SLC44A1: variants seen among roughly 807,000 people sequenced by gnomAD.
The protein encoded by SLC44A1 is choline transporter-like protein 1.
SLC44A1 carries 26 observed loss-of-function variants against 79.3 expected under a neutral mutation model. The ratio of observed to expected loss-of-function variants is 0.33; its 90% CI spans 0.24 to 0.46. SLC44A1 has a LOEUF of 0.46. SLC44A1 is among the 20% of genes least tolerant of loss of function. SLC44A1 has a pLI of 1.00. For synonymous variants in SLC44A1, 263 were observed against 286.2 expected (o/e 0.92, Z 0.82); for missense variants, 688 against 798.1 (o/e 0.86, Z 1.66).
intron 15 of SLC44A1, among the ~76,000 whole-genome samples, chr9:105,408,777 T>C (rs1299084889): frequency 1.3e-5 from 2 of 152,172 alleles, no homozygotes; most frequent in African/African-American, 4.8e-5. Flanking sequence ...TAAATGTATC[T>C]GAATGAACAC....
At chr9:105,268,920 G>A (rs569776214) in intron 1 of SLC44A1, among the ~76,000 whole-genome samples, 6 of 152,218 alleles carry the variant, frequency 3.9e-5, no homozygotes, top group African/African-American at 1.2e-4. Flanking sequence ...CTTCACTTAC[G>A]TTACCTTGCC....
Position 105,244,860 on chromosome 9 carries a change from G to C in SLC44A1, c.-9G>C, listed in dbSNP as rs1829387257. 2 of 1,143,108 alleles carry C rather than the reference G, an allele frequency of 1.7e-6. No individual in the cohort carries two copies. Among genetic ancestry groups the C allele is most frequent in the Non-Finnish European group, 2.1e-6 (2 of 932,886 alleles). 70.8% of individuals were successfully genotyped at this position (1,143,108 alleles called of 1,614,324 possible). ...CCCGGCGCCGCCTCCGGGCTCCTTCGGCCCCGCCATGGGCTGCTGCAGCTC... is the reference window on the plus strand; with the variant it reads ...CCCGGCGCCGCCTCCGGGCTCCTTCCGCCCCGCCATGGGCTGCTGCAGCTC... On this transcript the variant is annotated 5_prime_UTR_variant, in exon 1 of 16. Coordinates refer to ENST00000374720, the MANE Select transcript of SLC44A1 (RefSeq NM_080546.5).
At chr9:105,375,286 C>T (rs553158217) in intron 13 of SLC44A1, among the ~76,000 whole-genome samples, 5 of 152,194 alleles carry the variant, frequency 3.3e-5, no homozygotes, top group Non-Finnish European at 7.4e-5. Context: ...GTGATCCAAC[C>T]GCCTTCGCCT....
intron 1 of SLC44A1, among the ~76,000 whole-genome samples, chr9:105,250,007 T>G (rs867795519): frequency 6.6e-6 from 1 of 151,638 alleles, no homozygotes; most frequent in Non-Finnish European, 1.5e-5. Flanking sequence ...TAGCTGAGAC[T>G]ATAGGCACGA....
chr9:105,289,899 T>C (rs577475840), intron 1 of SLC44A1, among the ~76,000 whole-genome samples: 1 of 151,968 alleles, frequency 6.6e-6, no homozygotes, highest in Non-Finnish European at 1.5e-5. Context: ...CTGCCACCTC[T>C]GCCTCCCAGG....
At chr9:105,384,036 A>C (rs1028990514) in intron 14 of SLC44A1, among the ~76,000 whole-genome samples, 1 of 152,234 alleles carries the variant, frequency 6.6e-6, no homozygotes, top group South Asian at 2.1e-4. Flanking sequence ...TCTAAATAAT[A>C]GTAGTTTGCT....
At chr9:105,309,457 C>T (rs1354307957) in intron 2 of SLC44A1, among the ~76,000 whole-genome samples, 1 of 152,094 alleles carries the variant, frequency 6.6e-6, no homozygotes, top group African/African-American at 2.4e-5. Flanking sequence ...GCTATTATTA[C>T]TATTATTATT....
chr9:105,309,553 T>G (rs974157038), intron 2 of SLC44A1, among the ~76,000 whole-genome samples, 171 bp from the exon 3 acceptor site: 3 of 152,234 alleles, frequency 2.0e-5, no homozygotes, highest in Non-Finnish European at 2.9e-5. Flanking sequence ...TATGGACTTC[T>G]TTGTACTGTT....
chr9:105,388,719 A>C (rs1828690386), intron 15 of SLC44A1, among the ~76,000 whole-genome samples: 1 of 152,202 alleles, frequency 6.6e-6, no homozygotes, highest in African/African-American at 2.4e-5. Context: ...GAAGAGGTTT[A>C]GGAAAGAGAT....
At chr9:105,268,067 C>G (rs906506082) in intron 1 of SLC44A1, among the ~76,000 whole-genome samples, 2 of 152,084 alleles carry the variant, frequency 1.3e-5, no homozygotes, top group Non-Finnish European at 2.9e-5. Flanking sequence ...TATAAACTTC[C>G]ACTTCATCCT....
intron 1 of SLC44A1, among the ~76,000 whole-genome samples, chr9:105,257,810 C>CTT (rs938665809): frequency 3.3e-5 from 5 of 152,190 alleles, no homozygotes; most frequent in African/African-American, 1.2e-4. Context: ...CAGACAATAA[C>CTT]TTGCTGCTTG....
intron 1 of SLC44A1, among the ~76,000 whole-genome samples, chr9:105,251,502 C>G (rs1829587920): frequency 6.6e-6 from 1 of 152,198 alleles, no homozygotes. Context: ...AATTGTGTTC[C>G]TCTCCTACTT....
intron 3 of SLC44A1, among the ~76,000 whole-genome samples, chr9:105,323,117 G>C (rs556178152): frequency 4.8e-4 from 72 of 148,500 alleles, no homozygotes; most frequent in Non-Finnish European, 4.9e-4. Context: ...TTGGAAGGCT[G>C]AGACAGGAGA....
At chr9:105,306,172 TAA>T (rs1478399069) in intron 2 of SLC44A1, among the ~76,000 whole-genome samples, 1 of 152,224 alleles carries the variant, frequency 6.6e-6, no homozygotes, top group African/African-American at 2.4e-5. Context: ...TCTTCCTTGC[TAA>T]TAGTCTTACT....
chr9:105,348,525 C>A, intron 5 of SLC44A1, 74 bp downstream of exon 5: 1 of 934,206 alleles, frequency 1.1e-6, no homozygotes, highest in Non-Finnish European at 1.7e-6. Flanking sequence ...ATATGTTATT[C>A]TGAGAAAATA....
chr9:105,425,234 C>A (rs892240254), intron 15 of SLC44A1, among the ~76,000 whole-genome samples: 7 of 152,196 alleles, frequency 4.6e-5, no homozygotes, highest in African/African-American at 1.7e-4. Flanking sequence ...TATATAGATT[C>A]CTTAATGCAC....
chr9:105,249,175 AT>A (rs1313317549), intron 1 of SLC44A1, among the ~76,000 whole-genome samples: 2 of 152,250 alleles, frequency 1.3e-5, no homozygotes, highest in Non-Finnish European at 2.9e-5. Flanking sequence ...TTTGGGAGTA[AT>A]AAAAAACAAT....
intron 3 of SLC44A1, among the ~76,000 whole-genome samples, chr9:105,328,609 G>C (rs1826654634): frequency 6.6e-6 from 1 of 152,182 alleles, no homozygotes. Flanking sequence ...TTCCTCTGCA[G>C]TTTAAAGTTA....
intron 1 of SLC44A1, among the ~76,000 whole-genome samples, chr9:105,258,227 T>C (rs375486128): frequency 1.8e-4 from 28 of 152,300 alleles, no homozygotes; most frequent in African/African-American, 6.3e-4. Flanking sequence ...GAAGATGAAT[T>C]CAATTTTGTA....
Sources: allele counts gnomAD v4.1 joint callset (sites outside exome capture counted in the v4.1 genomes callset), GRCh38; gene constraint gnomAD v4.1.1; transcripts MANE v1.5; gene names NCBI Gene and HGNC (gene_info 2026-07-23, HGNC 2026-07-21).